CTNNA3: variants seen among roughly 807,000 people sequenced by gnomAD.
CTNNA3 encodes catenin alpha 3, also known as catenin alpha-3.
A neutral mutation model predicts 95.7 loss-of-function variants in CTNNA3; 76 were observed. That is an observed-to-expected ratio of 0.79 (90% CI 0.66 to 0.96). The LOEUF is 0.96. Among genes scored for constraint, CTNNA3 ranks in the 40% least tolerant of loss-of-function variants. The pLI, the probability that CTNNA3 is intolerant of heterozygous loss-of-function variation, is 0.00. For synonymous variants in CTNNA3, 431 were observed against 374.4 expected, an observed-to-expected ratio of 1.15 and a Z score of -1.74; for missense variants, 1,191 against 1,089.8, an observed-to-expected ratio of 1.09 and a Z score of -1.31.
chr10:67,452,715 T>C (rs1847033094), intron 5 of CTNNA3, among the ~76,000 whole-genome samples: 1 of 152,196 alleles, frequency 6.6e-6, no homozygotes, highest in Non-Finnish European at 1.5e-5. Flanking sequence ...GGGTTCTCTT[T>C]GCTTAATGAA....
At chr10:66,790,499 A>G (rs1291772600) in intron 7 of CTNNA3, among the ~76,000 whole-genome samples, 1 of 152,134 alleles carries the variant, frequency 6.6e-6, no homozygotes, top group Non-Finnish European at 1.5e-5. Flanking sequence ...TGTAGCCAAT[A>G]TGTTGCAGAG....
At chr10:66,780,979 T>C (rs1002587425) in intron 7 of CTNNA3, among the ~76,000 whole-genome samples, 7 of 151,212 alleles carry the variant, frequency 4.6e-5, no homozygotes, top group Non-Finnish European at 1.0e-4. Context: ...ATTTCTTGCA[T>C]AAACAGCCAT....
At chr10:66,966,418 C>T (rs540210961) in intron 7 of CTNNA3, among the ~76,000 whole-genome samples, 4 of 151,562 alleles carry the variant, frequency 2.6e-5, no homozygotes, top group Non-Finnish European at 5.9e-5. Context: ...TTTAAAATAA[C>T]CAAATGTCAT....
At chr10:67,695,539 A>T (rs147301917) in intron 1 of CTNNA3, among the ~76,000 whole-genome samples, 1 of 152,226 alleles carries the variant, frequency 6.6e-6, no homozygotes, top group Non-Finnish European at 1.5e-5. Context: ...TAAATTCAGA[A>T]ATTAATGCTT....
chr10:67,588,489 T>C (rs948800765), intron 3 of CTNNA3, among the ~76,000 whole-genome samples: 1 of 151,900 alleles, frequency 6.6e-6, no homozygotes. Flanking sequence ...GTTTCCTTGA[T>C]ACATTAGGTA....
At chr10:67,165,294 T>C (rs1251988163) in intron 7 of CTNNA3, among the ~76,000 whole-genome samples, 3 of 152,114 alleles carry the variant, frequency 2.0e-5, no homozygotes, top group African/African-American at 7.2e-5. Flanking sequence ...AAACACTGTA[T>C]AATAACAAAA....
intron 5 of CTNNA3, among the ~76,000 whole-genome samples, chr10:67,285,386 C>G (rs1589126218): frequency 2.0e-5 from 3 of 152,242 alleles, no homozygotes; most frequent in African/African-American, 7.2e-5. Context: ...ACTTAGCTAG[C>G]AGAGATTTTA....
chr10:66,319,157 A>C (rs1166338103), intron 12 of CTNNA3, among the ~76,000 whole-genome samples: 1 of 152,124 alleles, frequency 6.6e-6, no homozygotes, highest in African/African-American at 2.4e-5. Flanking sequence ...ATAATAATAA[A>C]AATGGGAATA....
intron 12 of CTNNA3, among the ~76,000 whole-genome samples, chr10:66,349,423 C>T (rs1230401938): frequency 1.3e-5 from 2 of 152,054 alleles, no homozygotes. Context: ...CACACAAAAA[C>T]CCACATGTGA....
In CTNNA3 at chr10:67,615,657, C is replaced by CTTT. The variant is rs746378840; in HGVS notation, c.100-8611_100-8609dup. On this transcript the variant is annotated intron_variant, in intron 2 of 17. Transcript: ENST00000433211. ...AATGTGTAACACAACGGCAGGTATT[C>CTTT]TTTTTTTTTTTTTTTTTTTTTTTGA... Among the ~76,000 whole-genome samples the CTTT allele has an allele frequency of 2.9e-3, 297 of 102,082 alleles. 4 individuals are homozygous for CTTT. Among genetic ancestry groups the CTTT allele is most frequent in the East Asian group, 0.012 (38 of 3,134 alleles). The allele number at this position is 102,082 out of a possible 152,430, so 67.0% of individuals were successfully genotyped here. A position where few individuals can be genotyped will look rare whatever the true frequency, so the allele number is the denominator to read the frequency against.
At chr10:66,218,479 T>C (rs1342566546) in intron 13 of CTNNA3, among the ~76,000 whole-genome samples, 2 of 152,128 alleles carry the variant, frequency 1.3e-5, no homozygotes, top group Admixed American at 6.6e-5. Flanking sequence ...GCGAGCTCAG[T>C]TCTAAAGAAC....
intron 11 of CTNNA3, among the ~76,000 whole-genome samples, chr10:66,478,259 T>C (rs1403290676): frequency 6.6e-6 from 1 of 152,056 alleles, no homozygotes; most frequent in East Asian, 1.9e-4. Context: ...TTTATGTACA[T>C]GTGAGTGTCT....
intron 11 of CTNNA3, among the ~76,000 whole-genome samples, chr10:66,471,956 G>T (rs72791569): frequency 6.6e-6 from 1 of 152,048 alleles, no homozygotes; most frequent in Non-Finnish European, 1.5e-5. Flanking sequence ...TTAGACTTTT[G>T]TTTCTTGCTC....
intron 12 of CTNNA3, among the ~76,000 whole-genome samples, chr10:66,291,323 A>G (rs1004619169): frequency 2.6e-5 from 4 of 152,190 alleles, no homozygotes; most frequent in Non-Finnish European, 4.4e-5. Flanking sequence ...ATGCATCAGA[A>G]TCACCAGAAA....
chr10:66,062,280 A>C (rs1297132680), intron 15 of CTNNA3, among the ~76,000 whole-genome samples: 2 of 152,128 alleles, frequency 1.3e-5, no homozygotes, highest in African/African-American at 2.4e-5. Context: ...AGAAGATATA[A>C]AGCATGAGCT....
At chr10:66,638,816 T>G (rs1845422029) in intron 9 of CTNNA3, among the ~76,000 whole-genome samples, 2 of 152,130 alleles carry the variant, frequency 1.3e-5, no homozygotes, top group South Asian at 4.2e-4. Flanking sequence ...GTTATTCTTG[T>G]CACATAGTTT....
At chr10:66,404,966 C>A (rs540446119) in intron 11 of CTNNA3, among the ~76,000 whole-genome samples, 1 of 152,258 alleles carries the variant, frequency 6.6e-6, no homozygotes, top group South Asian at 2.1e-4. Flanking sequence ...GCGTGATATC[C>A]TAAAGCCAGG....
intron 12 of CTNNA3, among the ~76,000 whole-genome samples, chr10:66,330,304 G>A (rs1473640541): frequency 2.0e-5 from 3 of 151,060 alleles, no homozygotes; most frequent in Non-Finnish European, 4.4e-5. Flanking sequence ...CTACCTATGA[G>A]TGAGAACATG....
At position 67,039,552 on chromosome 10, in the gene CTNNA3, T is replaced by A. The variant is rs548679460; in HGVS notation, c.1047+140765A>T. On this transcript the variant is annotated intron_variant, in intron 7 of 17. Transcript: ENST00000433211. ...AATTTATTAGGAGAGTTGTTGATAC[T>A]TTTTTTGTTTAAAAAATAATTATTA... is the stretch of plus-strand genomic sequence containing the variant. Among the ~76,000 whole-genome samples, 12 of 152,142 alleles carry A rather than the reference T, an allele frequency of 7.9e-5. No homozygotes were observed. The South Asian group carries it at 2.1e-3, about 26-fold the overall frequency.
Sources: gnomAD v4.1 joint callset for allele counts (sites outside exome capture counted in the v4.1 genomes callset) on GRCh38, gnomAD v4.1.1 for gene constraint, MANE v1.5 for transcripts, NCBI Gene and HGNC (gene_info 2026-07-23, HGNC 2026-07-21) for gene names.